Variants in EXT2 observed in about 807,000 individuals in gnomAD.
The protein encoded by EXT2 is exostosin glycosyltransferase 2, also known as exostosin-2.
A neutral mutation model predicts 81.6 loss-of-function variants in EXT2; 53 were observed. The observed-to-expected ratio is 0.65, with a 90% confidence interval of 0.52 to 0.82. The LOEUF is 0.82. EXT2 is among the 40% of genes least tolerant of loss of function. EXT2 has a pLI of 0.00. For missense variants in EXT2, 774 were observed against 910.2 expected (o/e 0.85, Z 1.93); for synonymous variants, 320 against 340.0 (o/e 0.94, Z 0.65).
Position 44,235,225 on chromosome 11 carries a change from CTTTTTTTTTTTTTTT to C in EXT2, c.1935+993_1935+1007del, listed in dbSNP as rs35214626. ...GGGACCCTTCCCATCCCCAAATTTG[CTTTTTTTTTTTTTTT>C]TTTTTTTTTTGGTGAGACTGAGTCT... On this transcript the variant is annotated intron_variant, in intron 12 of 13. Coordinates refer to ENST00000533608, the MANE Select transcript of EXT2 (RefSeq NM_207122.2). Among the ~76,000 whole-genome samples, 94 of 50,782 alleles carry C rather than the reference CTTTTTTTTTTTTTTT, an allele frequency of 1.9e-3. 2 individuals carry two copies. The highest frequency in any genetic ancestry group is 4.6e-3 in the South Asian group (4 of 868). The allele number at this position is 50,782 out of a possible 152,430, so 33.3% of individuals were successfully genotyped here. A position where few individuals can be genotyped will look rare whatever the true frequency, so the allele number is the denominator to read the frequency against.
chr11:44,166,428 G>C (rs912299103), intron 7 of EXT2, among the ~76,000 whole-genome samples: 1 of 152,226 alleles, frequency 6.6e-6, no homozygotes, highest in Non-Finnish European at 1.5e-5. Flanking sequence ...GCAGCCAGCT[G>C]TGTACCCAGA....
At chr11:44,207,145 C>G (rs1185835225) in intron 10 of EXT2, among the ~76,000 whole-genome samples, 186 bp downstream of exon 10, 4 of 152,104 alleles carry the variant, frequency 2.6e-5, no homozygotes, top group African/African-American at 4.8e-5. Context: ...CTGGAGAAAC[C>G]CTATTCCAAA....
chr11:44,158,994 CT>C (rs1163556640), intron 7 of EXT2, among the ~76,000 whole-genome samples: 1 of 151,946 alleles, frequency 6.6e-6, no homozygotes, highest in Non-Finnish European at 1.5e-5. Flanking sequence ...TCCCCTACCC[CT>C]GGCATCTATA....
chr11:44,251,286 T>C lies in EXT2; in HGVS notation c.*6999T>C, dbSNP rs1048176255. Among the ~76,000 whole-genome samples, 1 of 152,224 alleles carries C rather than the reference T, an allele frequency of 6.6e-6. No individual in the cohort carries two copies. The highest frequency in any genetic ancestry group is 6.5e-5 in the Admixed American group (1 of 15,284). ...ATATCCATTAATAAGAGATTGATGC[T>C]CTTTCAACTCTCATGTCATCTATAC... On this transcript the variant is annotated 3_prime_UTR_variant, in exon 14 of 14. Coordinates refer to ENST00000533608, the MANE Select transcript of EXT2 (RefSeq NM_207122.2).
At chr11:44,165,767 A>G (rs1017941845) in intron 7 of EXT2, among the ~76,000 whole-genome samples, 8 of 152,216 alleles carry the variant, frequency 5.3e-5, no homozygotes, top group South Asian at 2.1e-4. Flanking sequence ...TTCAGGATAT[A>G]TATGTGTTTA....
At chr11:44,241,403 C>T (rs1406265829) in intron 13 of EXT2, among the ~76,000 whole-genome samples, 2 of 152,232 alleles carry the variant, frequency 1.3e-5, no homozygotes, top group Non-Finnish European at 2.9e-5. Flanking sequence ...CTGTTCATCT[C>T]CTAACATAGG....
At chr11:44,192,675 C>T (rs930761966) in intron 8 of EXT2, among the ~76,000 whole-genome samples, 36 of 151,946 alleles carry the variant, frequency 2.4e-4, no homozygotes, top group African/African-American at 7.0e-4. Context: ...TCATCATTGC[C>T]CTAGGAGGTA....
rs1956115180 is a variant in EXT2 at position 44,248,651 on chromosome 11, A to G, written c.*4364A>G. On this transcript the variant is annotated 3_prime_UTR_variant, in exon 14 of 14. Coordinates refer to ENST00000533608, the MANE Select transcript of EXT2 (RefSeq NM_207122.2). ...CCCTCATTTTAGGGTGGGAGCTGTG[A>G]GTTCATCTGAAGACTGGGTGAGGGC... Among the ~76,000 whole-genome samples, 2 of 152,206 alleles carry G rather than the reference A, an allele frequency of 1.3e-5. No individual in the cohort carries two copies. Among genetic ancestry groups the G allele is most frequent in the Admixed American group, 6.5e-5 (1 of 15,274 alleles).
intron 7 of EXT2, among the ~76,000 whole-genome samples, chr11:44,134,166 T>G (rs970524304): frequency 2.0e-5 from 3 of 152,210 alleles, no homozygotes; most frequent in Non-Finnish European, 2.9e-5. Context: ...AAACAGTTCC[T>G]TAAGTCAGTA....
Position 44,130,105 on chromosome 11 carries a change from C to A in EXT2, c.1140C>A (p.Ile380=), listed in dbSNP as rs1183200355. The A allele has an allele frequency of 5.0e-6, 8 of 1,613,994 alleles. No homozygotes were observed. Among genetic ancestry groups the A allele is most frequent in the East Asian group, 4.5e-5 (2 of 44,878 alleles). The change falls in exon 7 of 14, where the codon ATC becomes ATA. Residue 380 remains isoleucine (I), a synonymous_variant. Transcript: ENST00000533608. ...MSDVYSILQS[I]PQRQIEEMQR... is the part of the protein sequence containing the mutation. The stretch of plus-strand genomic sequence containing the variant: ...ATGTGTACAGTATTTTGCAGAGCAT[C>A]CCCCAAAGACAGATTGAAGAAATGC...
At chr11:44,112,315 G>T (rs990574681) in intron 3 of EXT2, among the ~76,000 whole-genome samples, 8 of 152,182 alleles carry the variant, frequency 5.3e-5, no homozygotes, top group Non-Finnish European at 1.2e-4. Context: ...TAAAAATGCT[G>T]GAGAGCGCCT....
chr11:44,170,882 C>T (rs1191882840), intron 7 of EXT2, among the ~76,000 whole-genome samples: 7 of 151,178 alleles, frequency 4.6e-5, no homozygotes, highest in African/African-American at 9.7e-5. Context: ...ATACCCTTGC[C>T]CAGATGGCTT....
intron 10 of EXT2, among the ~76,000 whole-genome samples, chr11:44,211,141 A>G (rs1209803008): frequency 6.6e-6 from 1 of 152,262 alleles, no homozygotes; most frequent in African/African-American, 2.4e-5. Flanking sequence ...GAGTTTAGAA[A>G]TGGACCACAC....
Position 44,206,816 on chromosome 11 carries a change from G to T in EXT2, c.1519G>T (p.Val507Phe), listed in dbSNP as rs567445428. Residue 507 changes from valine (V) to phenylalanine (F), a missense_variant, in exon 10 of 14, where the codon GTT (valine) becomes TTT (phenylalanine). By Grantham distance (50) the Val-to-Phe change is conservative (BLOSUM62 -1). Around this residue, in one of 2 missense-constraint regions of EXT2, gnomAD observed 626 missense variants for 670.5 expected, o/e 0.93. Coordinates refer to ENST00000533608, the MANE Select transcript of EXT2 (RefSeq NM_207122.2). ...PEDSLWPKIR[V>F]PLKVVRTAEN... Reference sequence around the variant, plus strand: ...AGATTCTCTCTGGCCCAAAATCCGGGTTCCATTAAAAGTTGTGAGGACTGC... The same window carrying T: ...AGATTCTCTCTGGCCCAAAATCCGGTTTCCATTAAAAGTTGTGAGGACTGC... 6.2e-7 allele frequency: 1 copy of T among 1,613,978 alleles called. No homozygotes were observed. Among genetic ancestry groups the T allele is most frequent in the Non-Finnish European group, 8.5e-7 (1 of 1,179,958 alleles).
chr11:44,140,471 C>A (rs1954630950), intron 7 of EXT2, among the ~76,000 whole-genome samples: 1 of 152,194 alleles, frequency 6.6e-6, no homozygotes, highest in Non-Finnish European at 1.5e-5. Context: ...CTGCTCCTGC[C>A]TCTATCCTAC....
chr11:44,236,265 C>T, intron 12 of EXT2, 28 bp from the exon 13 acceptor site: 1 of 1,603,060 alleles, frequency 6.2e-7, no homozygotes. Context: ...CACTGACAGC[C>T]AGGTATGTTT....
intron 8 of EXT2, among the ~76,000 whole-genome samples, chr11:44,174,978 C>T (rs1955137874): frequency 6.6e-6 from 1 of 152,162 alleles, no homozygotes; most frequent in Non-Finnish European, 1.5e-5. Flanking sequence ...GATCACAAAA[C>T]ACCGTGTATC....
At chr11:44,139,461 G>A (rs1315684902) in intron 7 of EXT2, among the ~76,000 whole-genome samples, 1 of 152,102 alleles carries the variant, frequency 6.6e-6, no homozygotes, top group East Asian at 1.9e-4. Context: ...TGTGAATTTA[G>A]GAGGACTGGT....
intron 4 of EXT2, among the ~76,000 whole-genome samples, chr11:44,121,607 C>T (rs1954317670): frequency 6.6e-6 from 1 of 151,334 alleles, no homozygotes; most frequent in Admixed American, 6.6e-5. Context: ...GCCTTCCCCA[C>T]CCCTCCTCAT....
Sources: gnomAD v4.1 joint callset for allele counts (sites outside exome capture counted in the v4.1 genomes callset) on GRCh38, gnomAD v4.1.1 for gene constraint, gnomAD v4.1.1 regional missense constraint, MANE v1.5 for transcripts, NCBI Gene and HGNC (gene_info 2026-07-23, HGNC 2026-07-21) for gene names.